HACL1: variants seen among roughly 807,000 people sequenced by gnomAD.
HACL1 encodes the protein 1600020H07Rik.
A neutral mutation model predicts 74.2 loss-of-function variants in HACL1; 64 were observed. The ratio of observed to expected loss-of-function variants is 0.86; its 90% CI spans 0.70 to 1.06. The LOEUF (loss-of-function observed/expected upper bound fraction) is 1.06. Among genes scored for constraint, HACL1 ranks in the 50% least tolerant of loss-of-function variants. The probability of loss-of-function intolerance (pLI) is 0.00; values close to 1 mark genes in which losing one functional copy is unlikely to be tolerated. For synonymous variants in HACL1, 230 were observed against 238.8 expected (o/e 0.96, Z 0.34); for missense variants, 728 against 719.7 (o/e 1.01, Z -0.13).
Position 15,560,793 on chromosome 3 carries a change from AT to A in HACL1, c.*71del. ...TTTGCACAATTTTAACAGTAGAGTA[AT>A]TTTGCTGTGGAAAATAAAATTTCAT... On this transcript the variant is annotated 3_prime_UTR_variant, in exon 17 of 17. Transcript: ENST00000321169. The A allele has an allele frequency of 2.0e-6, 2 of 1,011,230 alleles. No homozygotes were observed. Among genetic ancestry groups the A allele is most frequent in the Non-Finnish European group, 3.1e-6 (2 of 642,688 alleles). 62.6% of individuals were successfully genotyped at this position (1,011,230 alleles called of 1,614,324 possible). A position where few individuals can be genotyped will look rare whatever the true frequency, so the allele number is the denominator to read the frequency against.
At chr3:15,598,112 C>T (rs1266104500) in intron 2 of HACL1, among the ~76,000 whole-genome samples, 2 of 151,726 alleles carry the variant, frequency 1.3e-5, no homozygotes, top group African/African-American at 4.8e-5. Flanking sequence ...GCAACCTCCA[C>T]CTCCCAGGTT....
intron 15 of HACL1, 84 bp downstream of exon 15, chr3:15,564,467 C>A: frequency 1.4e-6 from 1 of 694,430 alleles, no homozygotes; most frequent in Non-Finnish European, 2.6e-6. Flanking sequence ...CATGTAGGCA[C>A]ATTACTGCCA....
chr3:15,600,773 A>G (rs1021741769), intron 2 of HACL1: 8 of 375,762 alleles, frequency 2.1e-5, no homozygotes, highest in African/African-American at 1.6e-4. Context: ...GGGAAGTCAG[A>G]CTTTACTCAT....
rs767821395 is a variant in HACL1, at chr3:15,582,887, G to A, written c.657C>T (p.Ile219=). 5 of 1,568,716 alleles carry A rather than the reference G, an allele frequency of 3.2e-6. No homozygotes were observed. The highest frequency in any genetic ancestry group is 4.5e-5 in the East Asian group (2 of 44,656). ...TTCTATTCATGCTACCTTTCCCGAT[G>A]ATAAGAAGGGGTTGTTTGGCATTCC... ...VIRNAKQPLL[I]IGKGAAYAHA... Residue 219 remains isoleucine (I), a synonymous_variant, in exon 8 of 17, where the codon ATC becomes ATT. Transcript: ENST00000321169.
chr3:15,590,476 C>A (rs996521027), intron 4 of HACL1, among the ~76,000 whole-genome samples: 2 of 152,146 alleles, frequency 1.3e-5, no homozygotes, highest in African/African-American at 4.8e-5. Context: ...GTCCTTTCCA[C>A]TAGAAAGATT....
intron 10 of HACL1, among the ~76,000 whole-genome samples, chr3:15,574,108 G>A (rs1467446505): frequency 1.3e-5 from 2 of 152,212 alleles, no homozygotes; most frequent in Non-Finnish European, 2.9e-5. Context: ...GCTCAAGTCT[G>A]TAATCTGGCA....
chr3:15,582,830 T>C (rs1015288015), intron 8 of HACL1, 47 bp downstream of exon 8: 9 of 878,844 alleles, frequency 1.0e-5, no homozygotes, highest in Non-Finnish European at 1.3e-5. Context: ...TAAAAAGAAT[T>C]GGCACTTTCA....
At chr3:15,566,900 A>AAC (rs2063444616) in intron 14 of HACL1, among the ~76,000 whole-genome samples, 1 of 147,966 alleles carries the variant, frequency 6.8e-6, no homozygotes. Flanking sequence ...CTCACTGCAA[A>AAC]CTACACCTCC....
Position 15,582,927 on chromosome 3 carries a change from G to T in HACL1, c.617C>A (p.Ala206Glu). 1 of 1,611,932 alleles carries T rather than the reference G, an allele frequency of 6.2e-7. No individual in the cohort carries two copies. Among genetic ancestry groups the T allele is most frequent in the East Asian group, 2.2e-5 (1 of 44,838 alleles). Residue 206 changes from alanine (A) to glutamate (E), a missense_variant, in exon 8 of 17, where the codon GCG (alanine) becomes GAG (glutamate). Transcript: ENST00000321169. ...TTTGGCATTCCTAATAACAGAAGCC[G>T]CCGTGCACACAGCAGAGGTTTCTGC... The part of the protein sequence containing the change: ...SMAETSAVCT[A>E]ASVIRNAKQP...
At chr3:15,591,877 C>T (rs2063903520) in intron 3 of HACL1, among the ~76,000 whole-genome samples, 197 bp from the exon 4 acceptor site, 2 of 150,132 alleles carry the variant, frequency 1.3e-5, no homozygotes, top group South Asian at 2.1e-4. Context: ...TATACATACA[C>T]ACATATACGT....
chr3:15,593,741 A>G (rs1022937325), intron 3 of HACL1, among the ~76,000 whole-genome samples: 3 of 151,686 alleles, frequency 2.0e-5, no homozygotes, highest in African/African-American at 7.3e-5. Context: ...CTTTGATAGG[A>G]AAGTAATTCT....
intron 2 of HACL1, among the ~76,000 whole-genome samples, chr3:15,600,085 A>G (rs2064164668): frequency 3.3e-5 from 5 of 151,078 alleles, no homozygotes; most frequent in Admixed American, 3.3e-4. Context: ...AATGTCATTC[A>G]ATAAAGAATG....
intron 12 of HACL1, among the ~76,000 whole-genome samples, chr3:15,571,109 G>C (rs572634703): frequency 1.1e-4 from 17 of 152,012 alleles, no homozygotes; most frequent in African/African-American, 4.1e-4. Flanking sequence ...CTCCTGAGGA[G>C]ACAAGACAAC....
At chr3:15,562,461 ATTAG>A (rs756533790) in intron 16 of HACL1, among the ~76,000 whole-genome samples, 11 of 152,244 alleles carry the variant, frequency 7.2e-5, no homozygotes, top group African/African-American at 1.2e-4. Context: ...TAGTGTCTAA[ATTAG>A]TTAATTTATA....
rs1292734589 is a variant in HACL1, at chr3:15,582,980, T to A, written c.564A>T (p.Glu188Asp). Residue 188 changes from glutamate (E) to aspartate (D), a missense_variant, in exon 8 of 17, where the codon GAA becomes GAT. By Grantham distance (45) the Glu-to-Asp change is conservative. Transcript: ENST00000321169. ...TGCTAATAGGAGGTGACATGCAGCG[T>A]TCCATGTACCTGGAAAAAAAGAGCC... ...QVNVNSIKYM[E>D]RCMSPPISMA... 6.3e-7 allele frequency: 1 copy of A among 1,578,228 alleles called. No homozygotes were observed. The highest frequency in any genetic ancestry group is 2.2e-5 in the East Asian group (1 of 44,618).
At chr3:15,591,178 TATG>T (rs2063885984) in intron 4 of HACL1, among the ~76,000 whole-genome samples, 1 of 152,232 alleles carries the variant, frequency 6.6e-6, no homozygotes, top group African/African-American at 2.4e-5. Flanking sequence ...AGGTATACCA[TATG>T]ATATTTTGAT....
chr3:15,561,490 T>A (rs535817925), intron 16 of HACL1, among the ~76,000 whole-genome samples: 7 of 152,240 alleles, frequency 4.6e-5, no homozygotes, highest in African/African-American at 7.2e-5. Flanking sequence ...ATAAAAATAA[T>A]CCTCATAGAA....
At chr3:15,594,468 G>A (rs780445103) in intron 3 of HACL1, among the ~76,000 whole-genome samples, 7 of 152,056 alleles carry the variant, frequency 4.6e-5, no homozygotes, top group South Asian at 2.1e-4. Flanking sequence ...TAAACCACTC[G>A]GGAAAAAGGT....
At chr3:15,566,651 A>G (rs1365655003) in intron 14 of HACL1, among the ~76,000 whole-genome samples, 1 of 150,740 alleles carries the variant, frequency 6.6e-6, no homozygotes, top group Non-Finnish European at 1.5e-5. Context: ...GCAAGACCCC[A>G]TCTTGAAAAA....
Sources: gnomAD v4.1 joint callset for allele counts (sites outside exome capture counted in the v4.1 genomes callset) on GRCh38, gnomAD v4.1.1 for gene constraint, MANE v1.5 for transcripts, NCBI Gene and HGNC (gene_info 2026-07-23, HGNC 2026-07-21) for gene names.